ASIC2: variants seen among roughly 807,000 people sequenced by gnomAD.
The protein encoded by ASIC2 is acid sensing ion channel subunit 2.
Under a neutral mutation model 57.3 loss-of-function variants are expected in ASIC2, and 25 were observed. That is an observed-to-expected ratio of 0.44 (90% confidence interval 0.32 to 0.61). The LOEUF (loss-of-function observed/expected upper bound fraction) is 0.61. Among genes scored for constraint, ASIC2 ranks in the 20% least tolerant of loss-of-function variants. The probability of loss-of-function intolerance (pLI) is 0.06; values close to 1 mark genes in which losing one functional copy is unlikely to be tolerated. For synonymous variants in ASIC2, 319 were observed against 307.5 expected, an observed-to-expected ratio of 1.04 and a Z score of -0.39; for missense variants, 641 against 738.1, an observed-to-expected ratio of 0.87 and a Z score of 1.52.
intron 1 of ASIC2, among the ~76,000 whole-genome samples, chr17:33,555,546 T>G (rs1283242763): frequency 6.6e-6 from 1 of 151,836 alleles, no homozygotes; most frequent in African/African-American, 2.4e-5. Flanking sequence ...GAGAGAGAGA[T>G]GGTGAAAAGC....
intron 1 of ASIC2, among the ~76,000 whole-genome samples, chr17:33,985,160 A>C (rs1483262515): frequency 6.6e-6 from 1 of 152,190 alleles, no homozygotes; most frequent in Non-Finnish European, 1.5e-5. Flanking sequence ...GAGGGATGTG[A>C]GTAGGACATT....
At chr17:33,386,924 G>T (rs191828618) in intron 1 of ASIC2, among the ~76,000 whole-genome samples, 1 of 151,990 alleles carries the variant, frequency 6.6e-6, no homozygotes, top group Admixed American at 6.6e-5. Context: ...TATGCTAAGC[G>T]TTTACATAAA....
chr17:33,780,045 A>C (rs1258385362), intron 1 of ASIC2, among the ~76,000 whole-genome samples: 1 of 132,122 alleles, frequency 7.6e-6, no homozygotes, highest in Non-Finnish European at 1.5e-5. Flanking sequence ...ATCTTAGCTC[A>C]CTCCAACTTC....
chr17:33,027,449 T>G (rs535584588), intron 4 of ASIC2, among the ~76,000 whole-genome samples: 1 of 152,378 alleles, frequency 6.6e-6, no homozygotes, highest in African/African-American at 2.4e-5. Context: ...TAGTAGGTCT[T>G]TAGTCAGCAT....
At chr17:33,439,862 G>A (rs912750686) in intron 1 of ASIC2, among the ~76,000 whole-genome samples, 3 of 152,254 alleles carry the variant, frequency 2.0e-5, no homozygotes, top group Non-Finnish European at 2.9e-5. Flanking sequence ...CAGTCTGCCA[G>A]GCAAGGACAA....
chr17:33,809,412 C>T (rs552060294), intron 1 of ASIC2, among the ~76,000 whole-genome samples: 2 of 152,234 alleles, frequency 1.3e-5, no homozygotes, highest in Non-Finnish European at 2.9e-5. Flanking sequence ...TTCATGCACA[C>T]ACCTCTGAGT....
intron 1 of ASIC2, among the ~76,000 whole-genome samples, chr17:33,418,565 C>A (rs994108204): frequency 1.2e-4 from 18 of 152,034 alleles, no homozygotes; most frequent in African/African-American, 4.3e-4. Flanking sequence ...AGGAAGGGAC[C>A]CAGTTTCAGC....
intron 1 of ASIC2, among the ~76,000 whole-genome samples, chr17:33,155,707 C>T (rs760387789): frequency 6.6e-6 from 1 of 151,774 alleles, no homozygotes; most frequent in Non-Finnish European, 1.5e-5. Flanking sequence ...TTACAGGCGC[C>T]TGCTACCACA....
intron 1 of ASIC2, among the ~76,000 whole-genome samples, chr17:33,431,560 G>A (rs11651135): frequency 0.26 from 39,333 of 152,008 alleles, 5,091 homozygotes; most frequent in Middle Eastern, 0.34. Flanking sequence ...AGCTGAGATC[G>A]TAGCACTGTA....
chr17:33,099,401 C>A (rs1432816116), intron 2 of ASIC2, among the ~76,000 whole-genome samples: 5 of 152,132 alleles, frequency 3.3e-5, no homozygotes, highest in Non-Finnish European at 5.9e-5. Context: ...GGATCAGTGG[C>A]TGGAATGTGG....
intron 3 of ASIC2, among the ~76,000 whole-genome samples, chr17:33,038,686 T>C (rs968998443): frequency 6.6e-6 from 1 of 152,222 alleles, no homozygotes; most frequent in African/African-American, 2.4e-5. Flanking sequence ...AATACCCTGG[T>C]GCATGTCTTT....
intron 1 of ASIC2, among the ~76,000 whole-genome samples, chr17:33,721,978 A>G (rs569389229): frequency 1.3e-3 from 200 of 152,360 alleles, no homozygotes; most frequent in African/African-American, 4.7e-3. Flanking sequence ...ACCAGAAGGA[A>G]ACATTTATCA....
At chr17:33,387,509 A>G (rs1038771921) in intron 1 of ASIC2, among the ~76,000 whole-genome samples, 3 of 152,220 alleles carry the variant, frequency 2.0e-5, no homozygotes, top group African/African-American at 7.2e-5. Flanking sequence ...TCTTCTGGCA[A>G]GACACAGACC....
intron 1 of ASIC2, among the ~76,000 whole-genome samples, chr17:33,816,240 C>T (rs1186935739): frequency 6.6e-6 from 1 of 151,972 alleles, no homozygotes; most frequent in Non-Finnish European, 1.5e-5. Context: ...TTGCTATGGG[C>T]TTCTTTCCAG....
chr17:33,299,624 T>C (rs1905868584), intron 1 of ASIC2, among the ~76,000 whole-genome samples: 1 of 152,182 alleles, frequency 6.6e-6, no homozygotes, highest in Admixed American at 6.5e-5. Context: ...TTTTGCCCTT[T>C]TAGTCATTCT....
chr17:33,948,286 G>A (rs1306190834), intron 1 of ASIC2, among the ~76,000 whole-genome samples: 2 of 152,206 alleles, frequency 1.3e-5, no homozygotes, highest in East Asian at 3.9e-4. Flanking sequence ...AATGCTCTGA[G>A]CCTCACTCGG....
At chr17:33,333,286 G>A (rs916089594) in intron 1 of ASIC2, among the ~76,000 whole-genome samples, 6 of 152,198 alleles carry the variant, frequency 3.9e-5, no homozygotes, top group Non-Finnish European at 8.8e-5. Context: ...TATGGAGGAA[G>A]TTTCAGGCCT....
chr17:33,578,959 G>C (rs72825293), intron 1 of ASIC2, among the ~76,000 whole-genome samples: 5 of 152,078 alleles, frequency 3.3e-5, no homozygotes, highest in African/African-American at 9.7e-5. Flanking sequence ...ATCCTCACCT[G>C]GTCCTAGGGA....
At chr17:34,076,309 T>G (rs922168992) in intron 1 of ASIC2, among the ~76,000 whole-genome samples, 1 of 152,102 alleles carries the variant, frequency 6.6e-6, no homozygotes. Context: ...CTGGCCCTCT[T>G]TCAAGTCTTT....
Sources: gnomAD v4.1 joint callset for allele counts (sites outside exome capture counted in the v4.1 genomes callset) on GRCh38, gnomAD v4.1.1 for gene constraint, MANE v1.5 for transcripts, NCBI Gene and HGNC (gene_info 2026-07-23, HGNC 2026-07-21) for gene names.